The following MCM5 variants were observed in gnomAD, a reference collection of about 807,000 sequenced individuals.
The protein encoded by MCM5 is minichromosome maintenance complex component 5.
Under a neutral mutation model 79.9 loss-of-function variants are expected in MCM5, and 46 were observed. The ratio of observed to expected loss-of-function variants is 0.58; its 90% confidence interval spans 0.45 to 0.74. MCM5 has a LOEUF of 0.74. Ranked by LOEUF, MCM5 falls within the 30% of genes least tolerant of loss-of-function variation. The pLI is 0.00. For synonymous variants in MCM5, 404 were observed against 390.5 expected, an observed-to-expected ratio of 1.03 and a Z score of -0.41; for missense variants, 883 against 1,017.0, an observed-to-expected ratio of 0.87 and a Z score of 1.79.
At chr22:35,419,595 A>T (rs1327047279) in intron 13 of MCM5, among the ~76,000 whole-genome samples, 1 of 152,216 alleles carries the variant, frequency 6.6e-6, no homozygotes, top group African/African-American at 2.4e-5. Flanking sequence ...CACAGCGTCT[A>T]ACAGTGGGGA....
intron 2 of MCM5, 61 bp from the exon 3 acceptor site, chr22:35,403,146 C>A: frequency 6.3e-7 from 1 of 1,593,768 alleles, no homozygotes; most frequent in Non-Finnish European, 8.6e-7. Flanking sequence ...ACACCTCAGC[C>A]AGTGTTGGTT....
At chr22:35,446,610 T>C in the MCM5 span, among the ~76,000 whole-genome samples, 7 of 151,934 alleles carry the variant, frequency 4.6e-5, no homozygotes, top group African/African-American at 1.7e-4. Flanking sequence ...CACTACGGCA[T>C]GTGGAGGGGA....
At chr22:35,400,720 A>G in intron 2 of MCM5, 115 bp downstream of exon 2, 1 of 1,207,534 alleles carries the variant, frequency 8.3e-7, no homozygotes. Flanking sequence ...CGGGGGAAAG[A>G]GCCGGTCCTG....
rs1932581890 is a variant in MCM5 at position 35,417,675 on chromosome 22, C to G, written c.1591-69C>G. The G allele has an allele frequency of 4.5e-6, 5 of 1,107,764 alleles. No homozygotes were observed. In the South Asian group the frequency reaches 5.1e-5, roughly 11 times the overall value. The allele number at this position is 1,107,764 out of a possible 1,614,324, so 68.6% of individuals were successfully genotyped here. On this transcript the variant is annotated intron_variant, in intron 12 of 16. Coordinates refer to ENST00000216122, the MANE Select transcript of MCM5 (RefSeq NM_006739.4). ...GCCCCATCAGCTCTTTCTGGCTGTT[C>G]CACCTCAGTGCTGGGACTCAGGCTT...
At chr22:35,421,192 G>T in intron 14 of MCM5, 126 bp from the exon 15 acceptor site, 5 of 792,618 alleles carry the variant, frequency 6.3e-6, no homozygotes, top group Non-Finnish European at 9.8e-6. Flanking sequence ...GATGGATTAT[G>T]GGGACACCTA....
Position 35,403,207 on chromosome 22 carries a change from G to A in MCM5, c.168G>A (p.Arg56=). 3 of 1,614,076 alleles carry A rather than the reference G, an allele frequency of 1.9e-6. No homozygotes were observed. Among genetic ancestry groups the A allele is most frequent in the Non-Finnish European group, 2.5e-6 (3 of 1,180,016 alleles). The change falls in exon 3 of 17, where the codon AGG becomes AGA. Residue 56 remains arginine, a splice_region_variant and synonymous_variant. Coordinates refer to ENST00000216122, the MANE Select transcript of MCM5 (RefSeq NM_006739.4). ...TDRTGFTFKY[R]DELKRHYNLG... Reference sequence around the variant, plus strand: ...CCACCCTGCTATGTGCCCACTCCAGGGATGAACTCAAGCGGCATTACAACC... The same window carrying A: ...CCACCCTGCTATGTGCCCACTCCAGAGATGAACTCAAGCGGCATTACAACC...
Position 35,403,332 on chromosome 22 carries a change from T to TGGTG in MCM5, c.294_294+3dup. The TGGTG allele has an allele frequency of 6.2e-7, 1 of 1,614,168 alleles. No homozygotes were observed. The highest frequency in any genetic ancestry group is 8.5e-7 in the Non-Finnish European group (1 of 1,180,016). On this transcript the variant is annotated frameshift_variant and splice_region_variant, in exon 3 of 17. Transcript: ENST00000216122. LOFTEE classifies it high-confidence loss of function. ...AAGCAGCCAGCCGAGCACCTGCAGC[T>TGGTG]GGTGAGTGGGACCCCATCCCTGAGC... is the stretch of plus-strand genomic sequence containing the variant.
chr22:35,407,206 C>T (rs557023160), intron 5 of MCM5, among the ~76,000 whole-genome samples: 7 of 152,276 alleles, frequency 4.6e-5, no homozygotes, highest in East Asian at 3.9e-4. Flanking sequence ...ATGTTTGCTG[C>T]CCCCAGTCTG....
chr22:35,418,174 C>CT (rs540452122), intron 13 of MCM5, among the ~76,000 whole-genome samples: 96 of 152,302 alleles, frequency 6.3e-4, no homozygotes, highest in African/African-American at 2.3e-3. Context: ...TGCCTTCACT[C>CT]TATGACTTTG....
At chr22:35,405,267 G>A (rs909496255) in intron 4 of MCM5, among the ~76,000 whole-genome samples, 2 of 150,738 alleles carry the variant, frequency 1.3e-5, no homozygotes, top group Admixed American at 6.6e-5. Context: ...ATCCATAGAT[G>A]CCAAATCTTG....
chr22:35,440,043 G>A, the MCM5 span, among the ~76,000 whole-genome samples: 1 of 152,246 alleles, frequency 6.6e-6, no homozygotes, highest in Non-Finnish European at 1.5e-5. Flanking sequence ...GTTGCCTACT[G>A]TCAATTTTCC....
Position 35,400,623 on chromosome 22 carries a change from C to T in MCM5, c.167+18C>T. 6.3e-7 allele frequency: 1 copy of T among 1,578,932 alleles called. No individual in the cohort carries two copies. Among genetic ancestry groups the T allele is most frequent in the Middle Eastern group, 2.0e-4 (1 of 5,102 alleles). On this transcript the variant is annotated intron_variant, in intron 2 of 16. Transcript: ENST00000216122. ...AAATACAGGTGCGGCTCCTGCGGGG[C>T]CGGGGGCTCGAGTTCCAGTGTGGCC... is the stretch of plus-strand genomic sequence containing the variant.
Position 35,410,767 on chromosome 22 carries a change from C to G in MCM5, c.776C>G (p.Pro259Arg). ...AGGTACCTGTGTGACAAGGTCGTCC[C>G]TGGGAACAGGGTTACCATCATGGGC... ...CDRYLCDKVV[P>R]GNRVTIMGIY... The change falls in exon 7 of 17, where the codon CCT (proline) becomes CGT (arginine). Residue 259 changes from proline to arginine, a missense_variant. By Grantham distance (103) the Pro-to-Arg change is moderately radical. Coordinates refer to ENST00000216122, the MANE Select transcript of MCM5 (RefSeq NM_006739.4). 1 of 1,614,108 alleles carries G rather than the reference C, an allele frequency of 6.2e-7. No individual in the cohort carries two copies. Among genetic ancestry groups the G allele is most frequent in the Non-Finnish European group, 8.5e-7 (1 of 1,180,008 alleles).
At chr22:35,404,125 T>C (rs1569063693) in intron 4 of MCM5, among the ~76,000 whole-genome samples, 1 of 151,736 alleles carries the variant, frequency 6.6e-6, no homozygotes, top group Non-Finnish European at 1.5e-5. Flanking sequence ...AAATAAAAAA[T>C]AAATTACAGA....
chr22:35,438,476 T>TATCC, the MCM5 span, among the ~76,000 whole-genome samples: 2,651 of 107,634 alleles, frequency 0.025, 80 homozygotes, highest in East Asian at 0.061. Context: ...TCCATCCACA[T>TATCC]ATCCATCCAT....
At chr22:35,435,418 C>G in the MCM5 span, among the ~76,000 whole-genome samples, 1 of 152,156 alleles carries the variant, frequency 6.6e-6, no homozygotes, top group East Asian at 1.9e-4. Context: ...ACCAGAGGCT[C>G]CTCCTGGTGC....
At chr22:35,436,895 AGAGTCAGTTCGCAGAT>A in the MCM5 span, among the ~76,000 whole-genome samples, 10 of 46,324 alleles carry the variant, frequency 2.2e-4, no homozygotes, top group Admixed American at 1.1e-3. Context: ...TGCCAGGGGG[AGAGTCAGTTCGCAGAT>A]GAGGATGGAA....
At chr22:35,407,294 G>A (rs1932247241) in intron 5 of MCM5, among the ~76,000 whole-genome samples, 1 of 152,088 alleles carries the variant, frequency 6.6e-6, no homozygotes, top group Non-Finnish European at 1.5e-5. Context: ...ATCCACCTGT[G>A]GCACAGCTGC....
the MCM5 span, among the ~76,000 whole-genome samples, chr22:35,441,374 G>A: frequency 6.6e-6 from 1 of 152,218 alleles, no homozygotes; most frequent in Non-Finnish European, 1.5e-5. Flanking sequence ...CGCACTCATG[G>A]GCTCTTGGTT....
Sources: gnomAD v4.1 joint callset for allele counts (sites outside exome capture counted in the v4.1 genomes callset) on GRCh38, gnomAD v4.1.1 for gene constraint, MANE v1.5 for transcripts, NCBI Gene and HGNC (gene_info 2026-07-23, HGNC 2026-07-21) for gene names.